The following OSBPL3 variants were observed in gnomAD, a reference collection of about 807,000 sequenced individuals.
The protein encoded by OSBPL3 is oxysterol binding protein like 3, also known as oxysterol-binding protein-related protein 3.
OSBPL3 carries 65 observed loss-of-function variants against 120.1 expected under a neutral mutation model. That is an observed-to-expected ratio of 0.54 (90% CI 0.44 to 0.67). The LOEUF (loss-of-function observed/expected upper bound fraction) is 0.67. OSBPL3 is among the 30% of genes least tolerant of loss of function. The pLI is 0.00. For missense variants in OSBPL3, 1,004 were observed against 1,082.1 expected (o/e 0.93, Z 1.01); for synonymous variants, 416 against 402.6 (o/e 1.03, Z -0.40).
intron 2 of OSBPL3, among the ~76,000 whole-genome samples, chr7:24,875,175 C>G (rs921256895): frequency 6.6e-6 from 1 of 152,224 alleles, no homozygotes; most frequent in South Asian, 2.1e-4. Context: ...CTGTTTCACA[C>G]ATATATCAAA....
chr7:24,969,490 T>C (rs989618490), intron 1 of OSBPL3, among the ~76,000 whole-genome samples: 1 of 152,362 alleles, frequency 6.6e-6, no homozygotes, highest in Middle Eastern at 3.4e-3. Flanking sequence ...AAATCAATCT[T>C]TTATTTTATA....
At chr7:24,979,139 T>A (rs375889927) in intron 1 of OSBPL3, among the ~76,000 whole-genome samples, 2 of 152,230 alleles carry the variant, frequency 1.3e-5, no homozygotes, top group South Asian at 2.1e-4. Context: ...AAAACCCAAC[T>A]GTAGACAACG....
rs545342743 is a variant in OSBPL3, at chr7:24,857,607, T to C, written c.1027+4006A>G. ...ATAAATGAAGTCAAATTTCCACAGC[T>C]AGTCAGTAACAGAGGTGGCCTACTT... On this transcript the variant is annotated intron_variant, in intron 10 of 22. Transcript: ENST00000313367. Among the ~76,000 whole-genome samples the C allele has an allele frequency of 8.5e-5, 13 of 152,326 alleles. No homozygotes were observed. In the South Asian group the frequency reaches 2.5e-3, roughly 29 times the overall value.
At position 24,852,902 on chromosome 7, in the gene OSBPL3, G is replaced by T. The variant is rs1432303995; in HGVS notation, c.1028-268C>A. Among the ~76,000 whole-genome samples, 4 of 152,120 alleles carry T rather than the reference G, an allele frequency of 2.6e-5. No individual in the cohort carries two copies. The highest frequency in any genetic ancestry group is 4.4e-5 in the Non-Finnish European group (3 of 68,022). On this transcript the variant is annotated intron_variant, in intron 10 of 22. Transcript: ENST00000313367. This position sits in a 1 kb window ranked among gnomAD's most constrained non-coding sequence, Gnocchi z 4.1. ...AGTACTCTGGTGTGGGATGCTGATG[G>T]CGGGGGGACGGTGCCTACATGGGAG...
rs1373292886 is a variant in OSBPL3, at chr7:24,867,142, T to C, written c.382-905A>G. Among the ~76,000 whole-genome samples, 1 of 152,242 alleles carries C rather than the reference T, an allele frequency of 6.6e-6. No homozygotes were observed. Among genetic ancestry groups the C allele is most frequent in the Non-Finnish European group, 1.5e-5 (1 of 68,038 alleles). On this transcript the variant is annotated intron_variant, in intron 5 of 22. Coordinates refer to ENST00000313367, the MANE Select transcript of OSBPL3 (RefSeq NM_015550.4). The surrounding 1 kb of genome is among the most constrained non-coding windows in gnomAD (Gnocchi z 4.5). ...GAAAACAGAACAGTGCCAATTATAT[T>C]AAGCAACAAATAAACTGAAATTTAC...
intron 12 of OSBPL3, among the ~76,000 whole-genome samples, chr7:24,844,582 T>C (rs1214258803): frequency 6.6e-6 from 1 of 152,258 alleles, no homozygotes; most frequent in Admixed American, 6.5e-5. Flanking sequence ...ACATTTCTTG[T>C]GCAGTAATTG....
chr7:24,923,038 G>A (rs937689005), intron 1 of OSBPL3, among the ~76,000 whole-genome samples: 5 of 152,204 alleles, frequency 3.3e-5, no homozygotes, highest in African/African-American at 7.2e-5. Flanking sequence ...ATACTTCCCC[G>A]CCCCAACACA....
At chr7:24,870,649 C>A in intron 5 of OSBPL3, 83 bp downstream of exon 5, 1 of 859,824 alleles carries the variant, frequency 1.2e-6, no homozygotes, top group Non-Finnish European at 2.0e-6. Flanking sequence ...TGGCCGAATA[C>A]CCAAAAGGCA....
Position 24,827,170 on chromosome 7 carries a change from G to A in OSBPL3, c.1884+3598C>T, listed in dbSNP as rs982083244. On this transcript the variant is annotated intron_variant, in intron 16 of 22. Coordinates refer to ENST00000313367, the MANE Select transcript of OSBPL3 (RefSeq NM_015550.4). This position sits in a 1 kb window ranked among gnomAD's most constrained non-coding sequence, Gnocchi z 5.1. ...CAGAAACCTGTACTCATTGTAGAGA[G>A]GCACAAGAAAACAAACCTCTAAGCC... 1.3e-5 allele frequency among the ~76,000 whole-genome samples: 2 copies of A among 152,204 alleles called. No homozygotes were observed. The highest frequency in any genetic ancestry group is 6.5e-5 in the Admixed American group (1 of 15,282).
At chr7:24,890,826 C>A (rs1805235855) in intron 2 of OSBPL3, among the ~76,000 whole-genome samples, 1 of 152,222 alleles carries the variant, frequency 6.6e-6, no homozygotes, top group Non-Finnish European at 1.5e-5. Context: ...GCACATTCCT[C>A]TTACCCTTCA....
rs562493181 is a variant in OSBPL3 at position 24,913,490 on chromosome 7, T to C, written c.-149-20869A>G. On this transcript the variant is annotated intron_variant, in intron 1 of 22. Transcript: ENST00000313367. The surrounding 1 kb of genome is among the most constrained non-coding windows in gnomAD (Gnocchi z 5.3). Reference sequence around the variant, plus strand: ...TGACCAACAAACCCTGACTCCCTTATAAAGTCACTTACAAGAAGCAGACAC... The same window carrying C: ...TGACCAACAAACCCTGACTCCCTTACAAAGTCACTTACAAGAAGCAGACAC... Among the ~76,000 whole-genome samples the C allele has an allele frequency of 6.6e-6, 1 of 152,088 alleles. No homozygotes were observed.
At chr7:24,844,961 GATAA>G (rs1254056749) in intron 12 of OSBPL3, among the ~76,000 whole-genome samples, 61 of 151,990 alleles carry the variant, frequency 4.0e-4, no homozygotes, top group African/African-American at 1.4e-3. Context: ...AACTGTAATT[GATAA>G]ATATTTTATT....
intron 1 of OSBPL3, among the ~76,000 whole-genome samples, chr7:24,909,335 T>C (rs1808429749): frequency 6.6e-6 from 1 of 152,168 alleles, no homozygotes; most frequent in Non-Finnish European, 1.5e-5. Context: ...CAATGAGATG[T>C]GAGCAGAGTT....
At chr7:24,923,806 C>T (rs1810708919) in intron 1 of OSBPL3, among the ~76,000 whole-genome samples, 2 of 152,132 alleles carry the variant, frequency 1.3e-5, no homozygotes, top group Admixed American at 6.5e-5. Flanking sequence ...GGGAGGCCCT[C>T]CTGTGTCACA....
Position 24,815,346 on chromosome 7 carries a change from T to C in OSBPL3, c.2028-143A>G, listed in dbSNP as rs1794341448. The C allele has an allele frequency of 1.5e-6, 1 of 664,668 alleles. No individual in the cohort carries two copies. The highest frequency in any genetic ancestry group is 1.8e-5 in the African/African-American group (1 of 55,442). The allele number at this position is 664,668 out of a possible 1,614,324, so 41.2% of individuals were successfully genotyped here. On this transcript the variant is annotated intron_variant, in intron 18 of 22. Coordinates refer to ENST00000313367, the MANE Select transcript of OSBPL3 (RefSeq NM_015550.4). The surrounding 1 kb of genome is among the most constrained non-coding windows in gnomAD (Gnocchi z 5.1). ...AGAAGCAACACTGGCTAAGTGTCTA[T>C]GTCACACTGGATGTTCTAGGAGCTT...
chr7:24,814,356 C>T (rs1406619119), intron 19 of OSBPL3, among the ~76,000 whole-genome samples: 1 of 151,926 alleles, frequency 6.6e-6, no homozygotes, highest in East Asian at 1.9e-4. Context: ...GGAGTACAGC[C>T]TGTGCAGCGC....
chr7:24,853,094 T>C (rs1041289897), intron 10 of OSBPL3, among the ~76,000 whole-genome samples: 1 of 152,232 alleles, frequency 6.6e-6, no homozygotes, highest in African/African-American at 2.4e-5. Context: ...ATCATCAGGA[T>C]TTTTTGACAC....
chr7:24,934,369 A>G (rs544323246), intron 1 of OSBPL3, among the ~76,000 whole-genome samples: 1 of 152,182 alleles, frequency 6.6e-6, no homozygotes, highest in Non-Finnish European at 1.5e-5. Context: ...CCGGGAATAG[A>G]ACATAAGTGA....
chr7:24,932,178 T>C lies in OSBPL3; in HGVS notation c.-149-39557A>G, dbSNP rs907324785. Among the ~76,000 whole-genome samples, 3 of 152,178 alleles carry C rather than the reference T, an allele frequency of 2.0e-5. No individual in the cohort carries two copies. Among genetic ancestry groups the C allele is most frequent in the Non-Finnish European group, 2.9e-5 (2 of 68,032 alleles). ...ATTAATAAGAAATGAATGGGCACATTTGTCCCACTTTAAAGCTTCGGCAAC... is the reference window on the plus strand; with the variant it reads ...ATTAATAAGAAATGAATGGGCACATCTGTCCCACTTTAAAGCTTCGGCAAC... On this transcript the variant is annotated intron_variant, in intron 1 of 22. Transcript: ENST00000313367. The surrounding 1 kb of genome is among the most constrained non-coding windows in gnomAD (Gnocchi z 5.6).
Sources: gnomAD v4.1 joint callset for allele counts (sites outside exome capture counted in the v4.1 genomes callset) on GRCh38, gnomAD v4.1.1 for gene constraint, Gnocchi (gnomAD v3.1) non-coding constraint, MANE v1.5 for transcripts, NCBI Gene and HGNC (gene_info 2026-07-23, HGNC 2026-07-21) for gene names.